Variants in IL1RAPL2 observed in about 807,000 individuals in gnomAD.
IL1RAPL2 encodes the protein interleukin 1 receptor accessory protein like 2.
Under a neutral mutation model 44.1 loss-of-function variants are expected in IL1RAPL2, and 3 were observed. The ratio of observed to expected loss-of-function variants is 0.07; its 90% CI spans 0.03 to 0.18. The LOEUF is 0.18. Among genes scored for constraint, IL1RAPL2 ranks in the 10% least tolerant of loss-of-function variants. IL1RAPL2 has a pLI of 1.00. For missense variants in IL1RAPL2, 391 were observed against 496.4 expected, an observed-to-expected ratio of 0.79 and a Z score of 2.02; for synonymous variants, 181 against 178.8, an observed-to-expected ratio of 1.01 and a Z score of -0.10.
chrX:105,038,649 T>C (rs933471811), intron 2 of IL1RAPL2, among the ~76,000 whole-genome samples: 3 of 110,959 alleles, frequency 2.7e-5, no homozygotes, highest in Non-Finnish European at 5.7e-5. Flanking sequence ...ATCGCCTATG[T>C]AATAAGCATA....
At position 105,629,420 on chromosome X, in the gene IL1RAPL2, C is replaced by CA. The variant is rs1204502570; in HGVS notation, c.773-87940dup. 8.4e-4 allele frequency among the ~76,000 whole-genome samples: 93 copies of CA among 111,327 alleles called. 1 individual carries two copies. The highest frequency in any genetic ancestry group is 3.8e-4 in the South Asian group (1 of 2,647). On this transcript the variant is annotated intron_variant, in intron 6 of 10. Coordinates refer to ENST00000372582, the MANE Select transcript of IL1RAPL2 (RefSeq NM_017416.2). ...GAAGAGATTAGTGATGTAGAGATTTCAAAAAAACTCCAGAAGTTAAAAAGT... is the reference window on the plus strand; with the variant it reads ...GAAGAGATTAGTGATGTAGAGATTTCAAAAAAAACTCCAGAAGTTAAAAAGT...
chrX:104,946,565 CT>C (rs1478559486), intron 2 of IL1RAPL2, among the ~76,000 whole-genome samples: 4 of 58,274 alleles, frequency 6.9e-5, no homozygotes, highest in Non-Finnish European at 8.8e-5. Flanking sequence ...TCCCTCCCCC[CT>C]CCCCCCACCC....
Position 105,034,904 on chromosome X carries a change from C to T in IL1RAPL2, c.83-160571C>T, listed in dbSNP as rs1037540962. Among the ~76,000 whole-genome samples, 13 of 102,970 alleles carry T rather than the reference C, an allele frequency of 1.3e-4. No individual in the cohort carries two copies. In the Admixed American group the frequency reaches 1.4e-3, roughly 11 times the overall value. The allele number at this position is 102,970 out of a possible 115,157, so 89.4% of individuals were successfully genotyped here. On this transcript the variant is annotated intron_variant, in intron 2 of 10. Transcript: ENST00000372582. ...GTGGGCTCCACCCAGTTCGAGCTTC[C>T]CAGCTGCTTTGTTTACCTAATCAAG...
intron 2 of IL1RAPL2, among the ~76,000 whole-genome samples, chrX:104,946,409 A>AAAAAAAAAC: frequency 1.2e-5 from 1 of 84,967 alleles, no homozygotes; most frequent in Non-Finnish European, 2.3e-5. Flanking sequence ...AAAAAAAAAA[A>AAAAAAAAAC]CTTTTTAAAA....
intron 2 of IL1RAPL2, among the ~76,000 whole-genome samples, chrX:104,972,865 G>A (rs2030262232): frequency 8.9e-6 from 1 of 112,063 alleles, no homozygotes; most frequent in Admixed American, 9.4e-5. Flanking sequence ...TGCTGGCTGA[G>A]TGTTGATTCT....
chrX:105,647,245 A>G (rs2037612911), intron 6 of IL1RAPL2, among the ~76,000 whole-genome samples: 1 of 112,157 alleles, frequency 8.9e-6, no homozygotes, highest in African/African-American at 3.2e-5. Flanking sequence ...AACAGTGATC[A>G]GCAGTGGTGG....
chrX:105,517,891 G>A (rs1340877974), intron 6 of IL1RAPL2, among the ~76,000 whole-genome samples: 3 of 111,492 alleles, frequency 2.7e-5, no homozygotes, highest in Non-Finnish European at 3.8e-5. Context: ...GGGGGTTGAG[G>A]AGAAAAGGAG....
chrX:105,469,179 A>G (rs1216299935), intron 5 of IL1RAPL2, among the ~76,000 whole-genome samples: 3 of 111,559 alleles, frequency 2.7e-5, no homozygotes, highest in Non-Finnish European at 5.7e-5. Context: ...CATATCTAAG[A>G]AACCCATTGA....
chrX:105,376,771 T>TA (rs747509158), intron 5 of IL1RAPL2, among the ~76,000 whole-genome samples: 1 of 111,960 alleles, frequency 8.9e-6, no homozygotes, highest in East Asian at 2.8e-4. Context: ...TTGTCCTTTT[T>TA]AATGATATCA....
chrX:105,034,905 C>T (rs920268116), intron 2 of IL1RAPL2, among the ~76,000 whole-genome samples: 2 of 102,437 alleles, frequency 2.0e-5, no homozygotes, highest in African/African-American at 3.6e-5. Context: ...TCGAGCTTCC[C>T]AGCTGCTTTG....
At chrX:104,762,639 G>A (rs1318795886) in intron 2 of IL1RAPL2, among the ~76,000 whole-genome samples, 4 of 112,864 alleles carry the variant, frequency 3.5e-5, no homozygotes, top group Non-Finnish European at 5.6e-5. Context: ...CTCTATGGGG[G>A]CTCCACCCCT....
At chrX:105,092,142 T>C (rs115399521) in intron 2 of IL1RAPL2, among the ~76,000 whole-genome samples, 3,419 of 110,784 alleles carry the variant, frequency 0.031, 125 homozygotes, top group African/African-American at 0.11. Context: ...ATCCCCATTT[T>C]AGAAATTAGA....
At chrX:104,617,730 CT>C (rs1011464313) in intron 1 of IL1RAPL2, among the ~76,000 whole-genome samples, 4 of 111,724 alleles carry the variant, frequency 3.6e-5, no homozygotes, top group African/African-American at 1.3e-4. Flanking sequence ...ATGTTTATCT[CT>C]TCCTTCATTT....
chrX:105,472,245 A>T (rs950112493), intron 5 of IL1RAPL2, among the ~76,000 whole-genome samples: 2 of 112,084 alleles, frequency 1.8e-5, no homozygotes, highest in Non-Finnish European at 3.8e-5. Context: ...TCCTTTGAAC[A>T]TCGAACCCAA....
intron 2 of IL1RAPL2, among the ~76,000 whole-genome samples, chrX:105,028,459 C>A (rs746313298): frequency 2.7e-5 from 3 of 111,329 alleles, no homozygotes; most frequent in Non-Finnish European, 5.7e-5. Flanking sequence ...AGTATATACA[C>A]CTACTATGTA....
chrX:104,573,862 GA>G (rs1928194026), intron 1 of IL1RAPL2, among the ~76,000 whole-genome samples: 1 of 111,349 alleles, frequency 9.0e-6, no homozygotes, highest in Non-Finnish European at 1.9e-5. Flanking sequence ...GCGTTTGAGG[GA>G]AAAGATAGAT....
chrX:105,002,917 G>A (rs187904786), intron 2 of IL1RAPL2, among the ~76,000 whole-genome samples: 1 of 111,494 alleles, frequency 9.0e-6, no homozygotes, highest in Admixed American at 9.6e-5. Context: ...AATCCTGTGT[G>A]AGAATTCTAA....
intron 2 of IL1RAPL2, among the ~76,000 whole-genome samples, chrX:104,701,380 C>T (rs187684863): frequency 4.5e-5 from 5 of 111,693 alleles, no homozygotes; most frequent in East Asian, 2.8e-4. Context: ...AATTCAAGCT[C>T]GGGTGGTTTG....
At chrX:105,307,275 T>C (rs79879620) in intron 5 of IL1RAPL2, among the ~76,000 whole-genome samples, 1 of 92,738 alleles carries the variant, frequency 1.1e-5, no homozygotes, top group Non-Finnish European at 2.1e-5. Flanking sequence ...AAAAAAAAAA[T>C]TTTTTTTTAA....
Sources: allele counts gnomAD v4.1 joint callset (sites outside exome capture counted in the v4.1 genomes callset), GRCh38; gene constraint gnomAD v4.1.1; transcripts MANE v1.5; gene names NCBI Gene and HGNC (gene_info 2026-07-23, HGNC 2026-07-21).